The following PUDP variants were observed in gnomAD, a reference collection of about 807,000 sequenced individuals.
The protein encoded by PUDP is pseudouridine 5'-phosphatase, also known as pseudouridine-5'-phosphatase.
Under a neutral mutation model 9.4 loss-of-function variants are expected in PUDP, and 8 were observed. The ratio of observed to expected loss-of-function variants is 0.85; its 90% CI spans 0.50 to 1.53. PUDP has a LOEUF of 1.53. PUDP is among the 40% of genes most tolerant of loss of function. The pLI is 0.00. For missense variants in PUDP, 188 were observed against 189.7 expected (o/e 0.99, Z 0.05); for synonymous variants, 99 against 80.7 (o/e 1.23, Z -1.22).
intron 3 of PUDP, among the ~76,000 whole-genome samples, chrX:6,815,643 G>A (rs924059188): frequency 3.0e-4 from 33 of 111,044 alleles, no homozygotes; most frequent in African/African-American, 8.8e-4. Context: ...GTGTCCAGGC[G>A]TGAGAACCTA....
chrX:6,749,800 T>C (rs981487040), intron 3 of PUDP, among the ~76,000 whole-genome samples: 3 of 111,911 alleles, frequency 2.7e-5, no homozygotes, highest in African/African-American at 9.7e-5. Flanking sequence ...ACTAACAACC[T>C]CTCTTGCATT....
intron 3 of PUDP, among the ~76,000 whole-genome samples, chrX:6,737,719 G>A (rs1924890207): frequency 9.0e-6 from 1 of 110,902 alleles, no homozygotes; most frequent in African/African-American, 3.3e-5. Flanking sequence ...GTAGGATATT[G>A]AGAAGTATCC....
At chrX:7,069,071 C>T (rs1787419544) in intron 3 of PUDP, among the ~76,000 whole-genome samples, 1 of 111,644 alleles carries the variant, frequency 9.0e-6, no homozygotes, top group South Asian at 3.8e-4. Flanking sequence ...CAGATGCTGA[C>T]ATTTGGGGAT....
intron 3 of PUDP, among the ~76,000 whole-genome samples, chrX:6,884,870 G>A (rs774919354): frequency 1.3e-4 from 15 of 112,324 alleles, no homozygotes; most frequent in Non-Finnish European, 2.4e-4. Context: ...GTGCTGGGAC[G>A]TGACTTGGAC....
chrX:6,984,742 G>A (rs1350325781), intron 1 of PUDP, among the ~76,000 whole-genome samples: 1 of 111,348 alleles, frequency 9.0e-6, no homozygotes, highest in East Asian at 2.8e-4. Flanking sequence ...TACTGCCTCC[G>A]AATCCATGGA....
At chrX:6,803,563 A>G (rs1926000654) in intron 3 of PUDP, among the ~76,000 whole-genome samples, 1 of 112,508 alleles carries the variant, frequency 8.9e-6, no homozygotes, top group African/African-American at 3.2e-5. Flanking sequence ...ACTGCAGAAG[A>G]AAAAAGTGTC....
At chrX:6,981,257 G>A (rs761162068) in intron 1 of PUDP, among the ~76,000 whole-genome samples, 1 of 111,954 alleles carries the variant, frequency 8.9e-6, no homozygotes, top group Non-Finnish European at 1.9e-5. Context: ...GTTGAGAACT[G>A]TTGAAGCTGA....
chrX:7,073,804 T>C (rs999819184), intron 3 of PUDP, among the ~76,000 whole-genome samples: 6 of 113,131 alleles, frequency 5.3e-5, no homozygotes, highest in Admixed American at 3.7e-4. Flanking sequence ...TATCTGTAAG[T>C]AAATGTAGAT....
intron 3 of PUDP, among the ~76,000 whole-genome samples, chrX:6,771,176 GCA>G: frequency 9.0e-6 from 1 of 111,658 alleles, no homozygotes; most frequent in South Asian, 3.8e-4. Flanking sequence ...CACAGGAAAT[GCA>G]CAGAGAGATG....
chrX:6,800,536 T>C lies in PUDP; in HGVS notation c.*248-94070A>G, dbSNP rs1427375284. Among the ~76,000 whole-genome samples the C allele has an allele frequency of 3.6e-5, 4 of 112,199 alleles. No homozygotes were observed. In the Admixed American group the frequency reaches 3.8e-4, roughly 11 times the overall value. On this transcript the variant is annotated intron_variant and NMD_transcript_variant, in intron 3 of 3. Coordinates refer to the PUDP transcript ENST00000655425. The stretch of plus-strand genomic sequence containing the variant: ...AAACTCTTTTAAAATCCACTTCTTT[T>C]GTTCTCTGCAATGTTTCGGTTCTCA...
intron 1 of PUDP, among the ~76,000 whole-genome samples, chrX:7,134,912 G>A (rs191671391): frequency 2.4e-3 from 264 of 112,297 alleles, no homozygotes; most frequent in African/African-American, 7.6e-3. Context: ...ATGTTTCTAC[G>A]ATAACCAAAT....
chrX:6,714,991 A>ATGTG (rs1341335156), intron 1 of PUDP, among the ~76,000 whole-genome samples: 2 of 94,669 alleles, frequency 2.1e-5, no homozygotes, highest in African/African-American at 1.1e-4. Context: ...GTATATATAT[A>ATGTG]TATGTGTGTG....
At chrX:6,917,593 T>C (rs756276103) in intron 3 of PUDP, among the ~76,000 whole-genome samples, 3 of 112,100 alleles carry the variant, frequency 2.7e-5, no homozygotes, top group African/African-American at 9.7e-5. Flanking sequence ...ACAAGCTTTG[T>C]GGATTTATGA....
intron 3 of PUDP, among the ~76,000 whole-genome samples, chrX:6,964,680 T>C (rs902439214): frequency 7.3e-5 from 8 of 110,105 alleles, no homozygotes; most frequent in Non-Finnish European, 1.3e-4. Context: ...TCTCAAAAAA[T>C]AAATAAATAA....
intron 3 of PUDP, among the ~76,000 whole-genome samples, chrX:6,821,751 C>T (rs977146188): frequency 3.6e-5 from 4 of 112,253 alleles, no homozygotes; most frequent in African/African-American, 9.7e-5. Context: ...TGCAAGTTTG[C>T]ATGGGTGAAT....
intron 3 of PUDP, among the ~76,000 whole-genome samples, chrX:7,054,613 A>T (rs1428172173): frequency 9.0e-6 from 1 of 111,286 alleles, no homozygotes; most frequent in Non-Finnish European, 1.9e-5. Flanking sequence ...AAAAGTAAGT[A>T]CAGCCTCTGA....
At chrX:6,722,806 C>T (rs1924689206), upstream of PUDP, among the ~76,000 whole-genome samples, 1 of 111,836 alleles carries the variant, frequency 8.9e-6, no homozygotes. Context: ...GATTGAACAA[C>T]TAAAAATATG....
At chrX:6,758,036 A>T (rs938334612) in intron 3 of PUDP, among the ~76,000 whole-genome samples, 1 of 112,483 alleles carries the variant, frequency 8.9e-6, no homozygotes, top group African/African-American at 3.2e-5. Context: ...GCACTGAGAG[A>T]CACATTTCCC....
At chrX:7,127,096 A>G (rs1049723381) in intron 1 of PUDP, among the ~76,000 whole-genome samples, 3 of 111,893 alleles carry the variant, frequency 2.7e-5, no homozygotes, top group Non-Finnish European at 3.8e-5. Flanking sequence ...AGTGGGAATT[A>G]TATTGACAAA....
Sources: gnomAD v4.1 joint callset for allele counts (sites outside exome capture counted in the v4.1 genomes callset) on GRCh38, gnomAD v4.1.1 for gene constraint, MANE v1.5 for transcripts, NCBI Gene and HGNC (gene_info 2026-07-23, HGNC 2026-07-21) for gene names.